FRMD4A: variants seen among roughly 807,000 people sequenced by gnomAD.
FRMD4A encodes the protein FERM domain containing 4A, also known as FERM domain-containing protein 4A.
A neutral mutation model predicts 129.1 loss-of-function variants in FRMD4A; 29 were observed. That is an observed-to-expected ratio of 0.22 (90% confidence interval 0.17 to 0.31). FRMD4A has a LOEUF of 0.31. Among genes scored for constraint, FRMD4A ranks in the 10% least tolerant of loss-of-function variants. The pLI, the probability that FRMD4A is intolerant of heterozygous loss-of-function variation, is 1.00. For missense variants in FRMD4A, 1,272 were observed against 1,375.8 expected, an observed-to-expected ratio of 0.92 and a Z score of 1.19; for synonymous variants, 634 against 571.6, an observed-to-expected ratio of 1.11 and a Z score of -1.56.
intron 2 of FRMD4A, among the ~76,000 whole-genome samples, chr10:14,097,691 T>C (rs1377321039): frequency 2.0e-5 from 3 of 151,560 alleles, no homozygotes; most frequent in Non-Finnish European, 2.9e-5. Flanking sequence ...ATATATAAAC[T>C]AGTTTTAGTT....
intron 2 of FRMD4A, among the ~76,000 whole-genome samples, chr10:13,929,487 G>T (rs1389353014): frequency 1.3e-5 from 2 of 152,170 alleles, no homozygotes; most frequent in African/African-American, 4.8e-5. Flanking sequence ...GAGCAGTGTT[G>T]TCCCTTCCAG....
chr10:14,030,888 C>A (rs1204348702), intron 2 of FRMD4A, among the ~76,000 whole-genome samples: 1 of 152,148 alleles, frequency 6.6e-6, no homozygotes, highest in Non-Finnish European at 1.5e-5. Flanking sequence ...CCTCTGCATC[C>A]ATCTCCAGCC....
intron 3 of FRMD4A, among the ~76,000 whole-genome samples, chr10:13,856,217 AGT>A (rs36225405): frequency 0.14 from 21,086 of 145,474 alleles, 1,642 homozygotes; most frequent in Non-Finnish European, 0.18. Context: ...ATTTTGTGCA[AGT>A]GTGTGTGTGT....
At chr10:13,729,352 C>G (rs1367827136) in intron 12 of FRMD4A, 1 of 152,206 alleles carries the variant, frequency 6.6e-6, no homozygotes, top group Non-Finnish European at 1.5e-5. Context: ...CCACCTAGGC[C>G]GGTCAAGTCA....
At chr10:13,768,098 G>GTGTGTA (rs2092345462) in intron 6 of FRMD4A, among the ~76,000 whole-genome samples, 1 of 152,028 alleles carries the variant, frequency 6.6e-6, no homozygotes, top group Non-Finnish European at 1.5e-5. Flanking sequence ...GTGTGTGTGT[G>GTGTGTA]TGTGCGAACG....
intron 19 of FRMD4A, among the ~76,000 whole-genome samples, chr10:13,662,927 G>A (rs2082742742): frequency 6.6e-6 from 1 of 151,910 alleles, no homozygotes; most frequent in South Asian, 2.1e-4. Flanking sequence ...GTGGTTTTGG[G>A]CCAGGTATGG....
intron 2 of FRMD4A, among the ~76,000 whole-genome samples, chr10:14,104,799 G>C (rs1159546873): frequency 6.6e-6 from 1 of 152,248 alleles, no homozygotes; most frequent in Non-Finnish European, 1.5e-5. Context: ...CTCACTGTGT[G>C]TGGTTCTCCC....
intron 2 of FRMD4A, among the ~76,000 whole-genome samples, chr10:14,313,001 C>A (rs1175697977): frequency 6.6e-6 from 1 of 152,114 alleles, no homozygotes; most frequent in Non-Finnish European, 1.5e-5. Flanking sequence ...AGTAAGGAAA[C>A]CTGGTTTTAA....
chr10:13,865,272 G>C (rs1297759971), intron 2 of FRMD4A, among the ~76,000 whole-genome samples: 1 of 152,124 alleles, frequency 6.6e-6, no homozygotes, highest in African/African-American at 2.4e-5. Flanking sequence ...CTGGTACGAA[G>C]TATATACTCA....
intron 2 of FRMD4A, among the ~76,000 whole-genome samples, chr10:13,866,456 C>T (rs1408991031): frequency 2.0e-5 from 3 of 152,144 alleles, no homozygotes; most frequent in African/African-American, 7.2e-5. Context: ...TGGGTCACCT[C>T]AAGAGACACA....
chr10:13,863,479 A>G (rs1564931563), intron 2 of FRMD4A, among the ~76,000 whole-genome samples: 1 of 152,052 alleles, frequency 6.6e-6, no homozygotes, highest in Non-Finnish European at 1.5e-5. Flanking sequence ...AGTCCCAGCT[A>G]CTTGGGAGGC....
intron 6 of FRMD4A, 151 bp downstream of exon 6, chr10:13,782,771 G>A: frequency 1.6e-6 from 1 of 632,968 alleles, no homozygotes. Flanking sequence ...GGTGCCGTTA[G>A]CTTCATAACA....
chr10:14,109,806 T>C (rs1218546622), intron 2 of FRMD4A, among the ~76,000 whole-genome samples: 1 of 151,528 alleles, frequency 6.6e-6, no homozygotes, highest in Non-Finnish European at 1.5e-5. Context: ...ACCCTGTCTC[T>C]ACTAAAACTA....
rs536703804 is a variant in FRMD4A, at chr10:13,822,741, C to A, written c.112-11833G>T. Among the ~76,000 whole-genome samples, 3 of 152,236 alleles carry A rather than the reference C, an allele frequency of 2.0e-5. No individual in the cohort carries two copies. In the South Asian group the frequency reaches 6.2e-4, roughly 32 times the overall value. The stretch of plus-strand genomic sequence containing the variant: ...ACAGCTCCAGGCAGCCATGAAGGGG[C>A]CTGTGACAGATACTTGTGTCCCCAG... On this transcript the variant is annotated intron_variant, in intron 3 of 24. Coordinates refer to ENST00000357447, the MANE Select transcript of FRMD4A (RefSeq NM_018027.5).
chr10:14,185,531 A>C (rs574205202), intron 2 of FRMD4A, among the ~76,000 whole-genome samples: 6 of 152,220 alleles, frequency 3.9e-5, no homozygotes, highest in Non-Finnish European at 5.9e-5. Flanking sequence ...TTGTAGAACT[A>C]TGGAAACTTG....
intron 2 of FRMD4A, among the ~76,000 whole-genome samples, chr10:14,053,261 C>T (rs1305377864): frequency 6.6e-6 from 1 of 152,186 alleles, no homozygotes; most frequent in Non-Finnish European, 1.5e-5. Context: ...AGACCCTTGG[C>T]ACTGATCCCT....
intron 2 of FRMD4A, among the ~76,000 whole-genome samples, chr10:14,242,073 G>A (rs1844069074): frequency 6.6e-6 from 1 of 152,122 alleles, no homozygotes; most frequent in African/African-American, 2.4e-5. Flanking sequence ...CTCACTACTC[G>A]AGGTACTTGT....
At chr10:13,976,043 T>G (rs1383178950) in intron 2 of FRMD4A, among the ~76,000 whole-genome samples, 1 of 152,184 alleles carries the variant, frequency 6.6e-6, no homozygotes, top group East Asian at 1.9e-4. Context: ...GACCTCTTGG[T>G]GTCTAAAGGG....
chr10:14,199,650 A>G (rs2131937473), intron 2 of FRMD4A, among the ~76,000 whole-genome samples: 1 of 152,276 alleles, frequency 6.6e-6, no homozygotes, highest in Admixed American at 6.5e-5. Context: ...TTGGCCTCCC[A>G]AACAGCTGGA....
Sources: gnomAD v4.1 joint callset for allele counts (sites outside exome capture counted in the v4.1 genomes callset) on GRCh38, gnomAD v4.1.1 for gene constraint, MANE v1.5 for transcripts, NCBI Gene and HGNC (gene_info 2026-07-23, HGNC 2026-07-21) for gene names.